LRRTM4: variants seen among roughly 807,000 people sequenced by gnomAD.
LRRTM4 encodes the protein leucine-rich repeat transmembrane neuronal protein 4.
A neutral mutation model predicts 47.6 loss-of-function variants in LRRTM4; 25 were observed. That is an observed-to-expected ratio of 0.53 (90% CI 0.38 to 0.73). The LOEUF (loss-of-function observed/expected upper bound fraction) is 0.73, where lower values mean the gene tolerates loss of function less well. Ranked by LOEUF, LRRTM4 falls within the 30% of genes least tolerant of loss-of-function variation. LRRTM4 has a pLI of 0.00. For synonymous variants in LRRTM4, 311 were observed against 269.5 expected, an observed-to-expected ratio of 1.15 and a Z score of -1.51; for missense variants, 638 against 713.4, an observed-to-expected ratio of 0.89 and a Z score of 1.20.
At chr2:76,973,271 T>A (rs919404750) in intron 3 of LRRTM4, among the ~76,000 whole-genome samples, 6 of 152,010 alleles carry the variant, frequency 3.9e-5, no homozygotes, top group African/African-American at 1.4e-4. Context: ...CAGGTCATGC[T>A]ACAGGCAATT....
intron 3 of LRRTM4, among the ~76,000 whole-genome samples, chr2:77,198,679 G>A (rs1673893157): frequency 6.6e-6 from 1 of 152,106 alleles, no homozygotes; most frequent in Non-Finnish European, 1.5e-5. Context: ...AAAAATCAGT[G>A]AACTTAGCTA....
At chr2:76,875,647 G>A (rs1199505668) in intron 3 of LRRTM4, among the ~76,000 whole-genome samples, 1 of 152,046 alleles carries the variant, frequency 6.6e-6, no homozygotes, top group Admixed American at 6.6e-5. Flanking sequence ...AAAGTCCCTG[G>A]CCTTTGCCTG....
chr2:76,888,871 T>A (rs1280392568), intron 3 of LRRTM4, among the ~76,000 whole-genome samples: 1 of 151,926 alleles, frequency 6.6e-6, no homozygotes, highest in African/African-American at 2.4e-5. Context: ...ATTTGGTGGC[T>A]AGCTTTCGCC....
chr2:77,392,689 G>C (rs1267915564), intron 3 of LRRTM4, among the ~76,000 whole-genome samples: 1 of 151,948 alleles, frequency 6.6e-6, no homozygotes, highest in Non-Finnish European at 1.5e-5. Flanking sequence ...TAGAAACAGA[G>C]AGTAAAATAT....
chr2:76,897,302 C>T (rs1032606120), intron 3 of LRRTM4, among the ~76,000 whole-genome samples: 9 of 152,024 alleles, frequency 5.9e-5, no homozygotes, highest in African/African-American at 2.2e-4. Flanking sequence ...GAAATATGGT[C>T]ATATACACCT....
At chr2:76,849,903 G>C (rs183310517) in intron 3 of LRRTM4, among the ~76,000 whole-genome samples, 1 of 152,122 alleles carries the variant, frequency 6.6e-6, no homozygotes, top group Non-Finnish European at 1.5e-5. Flanking sequence ...ATTACTCCTT[G>C]TTTTCCACAT....
rs117440471 is a variant in LRRTM4, at chr2:76,771,552, A to G, written c.1552-22636T>C. On this transcript the variant is annotated intron_variant, in intron 3 of 3. Transcript: ENST00000409884. Reference sequence around the variant, plus strand: ...CTGCCTGGAGGAGCTGAGGCTGAGCACTGCCTTTGCTTCGGGCTTTGGCTA... The same window carrying G: ...CTGCCTGGAGGAGCTGAGGCTGAGCGCTGCCTTTGCTTCGGGCTTTGGCTA... 1.3e-3 allele frequency among the ~76,000 whole-genome samples: 205 copies of G among 151,990 alleles called. 2 individuals carry two copies. The East Asian group carries it at 0.034, about 25-fold the overall frequency.
At chr2:77,217,853 A>C (rs1254830314) in intron 3 of LRRTM4, among the ~76,000 whole-genome samples, 1 of 152,212 alleles carries the variant, frequency 6.6e-6, no homozygotes, top group Non-Finnish European at 1.5e-5. Flanking sequence ...CTTGATTCCA[A>C]AATAAACACA....
intron 3 of LRRTM4, among the ~76,000 whole-genome samples, chr2:76,800,989 C>T (rs1298564637): frequency 6.8e-5 from 10 of 147,924 alleles, no homozygotes; most frequent in East Asian, 6.4e-4. Flanking sequence ...GTTAGAATGG[C>T]AATCATTAAA....
At chr2:77,007,269 G>A (rs1677690991) in intron 3 of LRRTM4, among the ~76,000 whole-genome samples, 1 of 151,994 alleles carries the variant, frequency 6.6e-6, no homozygotes, top group African/African-American at 2.4e-5. Context: ...AAGCACAGAG[G>A]ATTGTGAGTA....
chr2:77,163,580 G>T (rs1228147405), intron 3 of LRRTM4, among the ~76,000 whole-genome samples: 1 of 152,184 alleles, frequency 6.6e-6, no homozygotes, highest in Non-Finnish European at 1.5e-5. Flanking sequence ...CAGAGAAAAA[G>T]TTTGGGTTAC....
chr2:77,004,131 G>A (rs1233467910), intron 3 of LRRTM4, among the ~76,000 whole-genome samples: 1 of 152,184 alleles, frequency 6.6e-6, no homozygotes, highest in Admixed American at 6.5e-5. Flanking sequence ...CTGAAATGCA[G>A]TAGAAAAGAA....
chr2:77,092,301 C>T (rs1326313577), intron 3 of LRRTM4, among the ~76,000 whole-genome samples: 2 of 151,852 alleles, frequency 1.3e-5, no homozygotes, highest in African/African-American at 4.8e-5. Context: ...CTGACATTCA[C>T]CCCATTTCCC....
intron 3 of LRRTM4, among the ~76,000 whole-genome samples, chr2:76,850,597 A>C (rs1235475004): frequency 6.6e-6 from 1 of 152,192 alleles, no homozygotes; most frequent in Non-Finnish European, 1.5e-5. Flanking sequence ...ATTATTATGC[A>C]TATGTCCCAC....
intron 3 of LRRTM4, among the ~76,000 whole-genome samples, chr2:77,039,268 G>A (rs566111723): frequency 2.0e-5 from 3 of 150,834 alleles, no homozygotes; most frequent in South Asian, 2.1e-4. Context: ...AGTCTGAGTC[G>A]GGGACATATG....
At chr2:76,923,383 A>G (rs1418881112) in intron 3 of LRRTM4, among the ~76,000 whole-genome samples, 3 of 151,982 alleles carry the variant, frequency 2.0e-5, no homozygotes, top group African/African-American at 7.2e-5. Context: ...TAAAAATAAA[A>G]TTACATAAAT....
In LRRTM4 at chr2:77,491,137, T is replaced by C. The variant is rs111777142; in HGVS notation, c.1551+27181A>G. On this transcript the variant is annotated intron_variant, in intron 3 of 3. Coordinates refer to ENST00000409884, the MANE Select transcript of LRRTM4 (RefSeq NM_001134745.3). Reference sequence around the variant, plus strand: ...GAAGATATACAAGGGATTTGAGAAATAATTTTTAAGAGAACAAATTGAAGA... The same window carrying C: ...GAAGATATACAAGGGATTTGAGAAACAATTTTTAAGAGAACAAATTGAAGA... Among the ~76,000 whole-genome samples the C allele has an allele frequency of 8.4e-4, 128 of 152,168 alleles. 2 individuals carry two copies. The highest frequency in any genetic ancestry group is 2.6e-3 in the African/African-American group (110 of 41,546).
chr2:77,267,037 C>T (rs6547138), intron 3 of LRRTM4, among the ~76,000 whole-genome samples: 26,550 of 152,138 alleles, frequency 0.17, 6,699 homozygotes, highest in African/African-American at 0.56. Flanking sequence ...CCCTGCTTTC[C>T]TCCTGCTCTC....
At chr2:77,157,263 G>A (rs2103798722) in intron 3 of LRRTM4, among the ~76,000 whole-genome samples, 1 of 152,168 alleles carries the variant, frequency 6.6e-6, no homozygotes, top group South Asian at 2.1e-4. Flanking sequence ...AATGGGGAAG[G>A]GAGAAAGTGA....
Sources: gnomAD v4.1 joint callset for allele counts (sites outside exome capture counted in the v4.1 genomes callset) on GRCh38, gnomAD v4.1.1 for gene constraint, MANE v1.5 for transcripts, NCBI Gene and HGNC (gene_info 2026-07-23, HGNC 2026-07-21) for gene names.